SIN3A: variants seen among roughly 807,000 people sequenced by gnomAD.
The protein encoded by SIN3A is paired amphipathic helix protein Sin3a.
In SIN3A, 14 loss-of-function variants were observed where a neutral mutation model predicts 146.1. That is an observed-to-expected ratio of 0.10 (90% confidence interval 0.06 to 0.15). The LOEUF is 0.15. Ranked by LOEUF, SIN3A falls within the 10% of genes least tolerant of loss-of-function variation. SIN3A has a pLI of 1.00. For missense variants in SIN3A, 1,028 were observed against 1,576.0 expected (o/e 0.65, Z 5.89); for synonymous variants, 572 against 572.0 (o/e 1.00, Z 0.00).
chr15:75,430,611 T>C (rs2073998159), intron 1 of SIN3A, among the ~76,000 whole-genome samples: 1 of 152,082 alleles, frequency 6.6e-6, no homozygotes. Flanking sequence ...AGACAAATAT[T>C]TAAATAACAT....
intron 2 of SIN3A, among the ~76,000 whole-genome samples, chr15:75,429,446 G>T (rs2073978677): frequency 6.6e-6 from 1 of 152,108 alleles, no homozygotes; most frequent in African/African-American, 2.4e-5. Context: ...AAGGAAAAAA[G>T]TTATACATGT....
At chr15:75,423,025 GC>G (rs1430180680) in intron 2 of SIN3A, among the ~76,000 whole-genome samples, 1 of 151,652 alleles carries the variant, frequency 6.6e-6, no homozygotes, top group African/African-American at 2.4e-5. Context: ...CTATGATCAT[GC>G]CACTGCATTC....
chr15:75,413,464 T>G (rs1367401456), intron 4 of SIN3A, among the ~76,000 whole-genome samples: 1 of 152,158 alleles, frequency 6.6e-6, no homozygotes, highest in Non-Finnish European at 1.5e-5. Context: ...AAACAGATCA[T>G]CTACGCATTT....
At chr15:75,440,150 C>A (rs978812369) in intron 1 of SIN3A, among the ~76,000 whole-genome samples, 1 of 151,186 alleles carries the variant, frequency 6.6e-6, no homozygotes, top group African/African-American at 2.4e-5. Flanking sequence ...GACTCCCTCT[C>A]AAAAATAAAT....
chr15:75,435,971 G>A (rs1305680760), intron 1 of SIN3A, among the ~76,000 whole-genome samples: 2 of 148,876 alleles, frequency 1.3e-5, no homozygotes, highest in Non-Finnish European at 3.0e-5. Flanking sequence ...ACAAAATAAA[G>A]AAACAATTAG....
rs754066713 is a variant in SIN3A at position 75,371,944 on chromosome 15, A to C, written c.*35T>G. ...TGCATAGGCCCACACACACATCCCC[A>C]CACACACCCCAAGTTATCTGCTCTG... On this transcript the variant is annotated 3_prime_UTR_variant, in exon 21 of 21. Transcript: ENST00000394947. 8 of 1,586,856 alleles carry C rather than the reference A, an allele frequency of 5.0e-6. No homozygotes were observed. Among genetic ancestry groups the C allele is most frequent in the Non-Finnish European group, 6.9e-6 (8 of 1,155,794 alleles).
chr15:75,432,135 T>C (rs1029863354), intron 1 of SIN3A, among the ~76,000 whole-genome samples: 7 of 152,210 alleles, frequency 4.6e-5, no homozygotes, highest in African/African-American at 1.2e-4. Context: ...TTTAGCTTAG[T>C]ATTCAAAAAC....
intron 2 of SIN3A, among the ~76,000 whole-genome samples, chr15:75,425,955 G>A (rs372296564): frequency 7.6e-4 from 115 of 152,188 alleles, no homozygotes; most frequent in Admixed American, 1.8e-3. Context: ...AACAAAACAA[G>A]GTGTATTAAG....
chr15:75,404,676 C>T (rs746410143), intron 9 of SIN3A, among the ~76,000 whole-genome samples: 51 of 151,522 alleles, frequency 3.4e-4, no homozygotes, highest in Non-Finnish European at 6.0e-4. Flanking sequence ...AGGAGGATTG[C>T]GTGAACCCGG....
chr15:75,401,064 A>G (rs952971672), intron 10 of SIN3A, 124 bp from the exon 11 acceptor site: 2 of 665,750 alleles, frequency 3.0e-6, no homozygotes, highest in African/African-American at 3.6e-5. Context: ...TTTCCTGCCT[A>G]AGAAGAACTG....
intron 17 of SIN3A, among the ~76,000 whole-genome samples, chr15:75,382,626 T>C (rs1299311385): frequency 2.0e-5 from 3 of 152,110 alleles, no homozygotes; most frequent in Non-Finnish European, 4.4e-5. Flanking sequence ...GACCCAGAAG[T>C]GTTGTTAATT....
chr15:75,380,844 A>G (rs1288197485), intron 18 of SIN3A, 121 bp from the exon 19 acceptor site: 2 of 701,468 alleles, frequency 2.9e-6, no homozygotes, highest in Non-Finnish European at 2.5e-6. Context: ...CAAGATCAAA[A>G]AAGTCCCTTT....
intron 1 of SIN3A, among the ~76,000 whole-genome samples, chr15:75,448,425 CG>C (rs1351202786): frequency 2.0e-5 from 3 of 148,716 alleles, no homozygotes; most frequent in Non-Finnish European, 3.0e-5. Context: ...ACCCGGGAGG[CG>C]GAAGTTGCAG....
At position 75,380,827 on chromosome 15, in the gene SIN3A, T is replaced by C. The variant is rs564458644; in HGVS notation, c.3289-104A>G. The C allele has an allele frequency of 8.5e-5, 66 of 778,138 alleles. No homozygotes were observed. In the African/African-American group the frequency reaches 9.6e-4, roughly 11 times the overall value. 48.2% of individuals were successfully genotyped at this position (778,138 alleles called of 1,614,324 possible). A position where few individuals can be genotyped will look rare whatever the true frequency, so the allele number is the denominator to read the frequency against. On this transcript the variant is annotated intron_variant, in intron 18 of 20. Coordinates refer to ENST00000394947, the MANE Select transcript of SIN3A (RefSeq NM_001145358.2). ...CTATGATTACAATGCCCCGAATTCA[T>C]AAATTTCAAGATCAAAAAAGTCCCT...
chr15:75,447,495 T>C (rs1382989438), intron 1 of SIN3A, among the ~76,000 whole-genome samples: 1 of 152,094 alleles, frequency 6.6e-6, no homozygotes, highest in East Asian at 1.9e-4. Context: ...TCAGCATTGT[T>C]TGGATTTTAG....
At chr15:75,403,418 G>T (rs1023338055) in intron 9 of SIN3A, among the ~76,000 whole-genome samples, 1 of 151,070 alleles carries the variant, frequency 6.6e-6, no homozygotes, top group African/African-American at 2.4e-5. Flanking sequence ...CAATAAGAGC[G>T]AAACTCCGTC....
At chr15:75,423,763 C>T (rs991652977) in intron 2 of SIN3A, among the ~76,000 whole-genome samples, 7 of 151,826 alleles carry the variant, frequency 4.6e-5, no homozygotes, top group African/African-American at 1.5e-4. Context: ...GAGGCCCAGG[C>T]AGACAGATCA....
intron 2 of SIN3A, among the ~76,000 whole-genome samples, chr15:75,424,961 C>T (rs1472188215): frequency 1.3e-5 from 2 of 152,054 alleles, no homozygotes; most frequent in Non-Finnish European, 2.9e-5. Flanking sequence ...AGTTCATAAT[C>T]CACAAGTTGA....
chr15:75,445,988 A>C (rs1354919546), intron 1 of SIN3A, among the ~76,000 whole-genome samples: 1 of 152,164 alleles, frequency 6.6e-6, no homozygotes, highest in African/African-American at 2.4e-5. Context: ...GGTGGAAACC[A>C]AATCATTCAT....
Sources: gnomAD v4.1 joint callset for allele counts (sites outside exome capture counted in the v4.1 genomes callset) on GRCh38, gnomAD v4.1.1 for gene constraint, MANE v1.5 for transcripts, NCBI Gene and HGNC (gene_info 2026-07-23, HGNC 2026-07-21) for gene names.